HEATR5B: variants seen among roughly 807,000 people sequenced by gnomAD.
The protein encoded by HEATR5B is HEAT repeat containing 5B.
In HEATR5B, 156 loss-of-function variants were observed where a neutral mutation model predicts 224.1. The ratio of observed to expected loss-of-function variants is 0.70; its 90% CI spans 0.61 to 0.80. The LOEUF (loss-of-function observed/expected upper bound fraction) is 0.80, where lower values mean the gene tolerates loss of function less well. Ranked by LOEUF, HEATR5B falls within the 30% of genes least tolerant of loss-of-function variation. The pLI is 0.00. For synonymous variants in HEATR5B, 1,027 were observed against 893.0 expected (o/e 1.15, Z -2.68); for missense variants, 2,323 against 2,535.5 (o/e 0.92, Z 1.80).
chr2:37,064,962 C>G lies in HEATR5B; in HGVS notation c.1362G>C (p.Leu454=), dbSNP rs1465885455. 8 of 1,614,044 alleles carry G rather than the reference C, an allele frequency of 5.0e-6. No individual in the cohort carries two copies. Among genetic ancestry groups the G allele is most frequent in the Non-Finnish European group, 6.8e-6 (8 of 1,179,972 alleles). The stretch of plus-strand genomic sequence containing the variant: ...GTCGGGCAGCCATGCTTGGATGAAG[C>G]AGCACTGAAGTCACAATCTCCAAAA... The part of the protein sequence containing the change: ...IGLLEIVTSV[L]LHPSMAARLA... The change falls in exon 10 of 36, where the codon CTG becomes CTC. Residue 454 remains leucine, a synonymous_variant. Transcript: ENST00000233099.
intron 26 of HEATR5B, among the ~76,000 whole-genome samples, chr2:37,018,122 G>T (rs1668236975): frequency 6.6e-6 from 1 of 151,594 alleles, no homozygotes; most frequent in African/African-American, 2.4e-5. Flanking sequence ...CAGGAAACCA[G>T]GTTTCCTCCC....
In HEATR5B at chr2:37,007,104, C is replaced by T. The variant is rs368900081; in HGVS notation, c.4723G>A (p.Gly1575Ser). 5 of 1,613,878 alleles carry T rather than the reference C, an allele frequency of 3.1e-6. No homozygotes were observed. The highest frequency in any genetic ancestry group is 4.2e-6 in the Non-Finnish European group (5 of 1,179,962). Residue 1575 changes from glycine (G) to serine (S), a missense_variant, in exon 29 of 36, where the codon GGT (glycine) becomes AGT (serine). Transcript: ENST00000233099. ...VNLNQASGAV[G>S]SAKSLPEINK... ...ATTTCTGGCAAAGATTTAGCACTACCCACTGCTCCTGATGCCTGGTTTAAA... is the reference window on the plus strand; with the variant it reads ...ATTTCTGGCAAAGATTTAGCACTACTCACTGCTCCTGATGCCTGGTTTAAA...
intron 2 of HEATR5B, among the ~76,000 whole-genome samples, chr2:37,080,012 T>C (rs1309738051): frequency 3.9e-5 from 6 of 152,012 alleles, no homozygotes; most frequent in Non-Finnish European, 8.8e-5. Context: ...AAGGCCTCTC[T>C]CTGAAAAGAA....
At chr2:37,022,722 TG>T (rs1484381761) in intron 24 of HEATR5B, among the ~76,000 whole-genome samples, 3 of 152,182 alleles carry the variant, frequency 2.0e-5, no homozygotes, top group Non-Finnish European at 2.9e-5. Context: ...AAAAGGGAAA[TG>T]TTTTTCCTTT....
intron 30 of HEATR5B, among the ~76,000 whole-genome samples, chr2:37,005,132 G>A (rs949038491): frequency 1.3e-5 from 2 of 152,152 alleles, no homozygotes; most frequent in Non-Finnish European, 2.9e-5. Context: ...ACAACCTCAT[G>A]TTCCATTCAT....
At chr2:37,057,572 G>A in intron 14 of HEATR5B, 92 bp from the exon 15 acceptor site, 5 of 767,638 alleles carry the variant, frequency 6.5e-6, no homozygotes, top group South Asian at 4.3e-5. Context: ...TGTTCAACAG[G>A]AATAAAATAA....
Position 37,058,456 on chromosome 2 carries a change from T to A in HEATR5B, c.2054A>T (p.Tyr685Phe), listed in dbSNP as rs1439243504. Residue 685 changes from tyrosine (Y) to phenylalanine (F), a missense_variant, in exon 14 of 36, where the codon TAT becomes TTT. This residue lies in a region of HEATR5B where 502 missense variants were observed against 517.8 expected (regional missense o/e 0.97). Coordinates refer to ENST00000233099, the MANE Select transcript of HEATR5B (RefSeq NM_019024.3). ...DILALLPPKT[Y>F]EGSFNALLRE... is the part of the protein sequence containing the mutation. ...ACCACAAATTTTTAATTTACCTTCA[T>A]AAGTTTTTGGAGGTAACAAAGCCAA... 1 of 1,590,534 alleles carries A rather than the reference T, an allele frequency of 6.3e-7. No individual in the cohort carries two copies. The highest frequency in any genetic ancestry group is 8.6e-7 in the Non-Finnish European group (1 of 1,159,298).
chr2:37,002,701 T>A, intron 31 of HEATR5B, 129 bp from the exon 32 acceptor site: 1 of 892,012 alleles, frequency 1.1e-6, no homozygotes, highest in Non-Finnish European at 1.7e-6. Flanking sequence ...CGTCCTTCTC[T>A]GTATAATTCT....
intron 26 of HEATR5B, among the ~76,000 whole-genome samples, chr2:37,018,536 C>T (rs986244197): frequency 6.6e-6 from 1 of 152,208 alleles, no homozygotes; most frequent in Non-Finnish European, 1.5e-5. Context: ...GCCATTAAGG[C>T]AGCAGGCTTC....
At chr2:37,006,847 G>C (rs559703562) in intron 29 of HEATR5B, among the ~76,000 whole-genome samples, 1 of 152,268 alleles carries the variant, frequency 6.6e-6, no homozygotes, top group East Asian at 1.9e-4. Flanking sequence ...GAGCATGACA[G>C]TTAAGTAGTT....
chr2:37,026,759 A>G (rs746715507), intron 24 of HEATR5B, among the ~76,000 whole-genome samples: 16 of 152,162 alleles, frequency 1.1e-4, no homozygotes, highest in Non-Finnish European at 2.1e-4. Flanking sequence ...CTGATTACCT[A>G]TATTCAGAGT....
At chr2:37,013,241 G>A (rs1052019756) in intron 27 of HEATR5B, among the ~76,000 whole-genome samples, 1 of 152,174 alleles carries the variant, frequency 6.6e-6, no homozygotes, top group Non-Finnish European at 1.5e-5. Context: ...AGCTGGTAGA[G>A]GAAGGAATTA....
intron 21 of HEATR5B, among the ~76,000 whole-genome samples, chr2:37,034,196 T>C (rs904858163): frequency 4.6e-5 from 7 of 151,254 alleles, no homozygotes; most frequent in South Asian, 2.1e-4. Context: ...TTAGTAGAGA[T>C]GGGGTTTCAC....
chr2:37,034,207 C>T lies in HEATR5B; in HGVS notation c.3217-1434G>A, dbSNP rs371441391. Among the ~76,000 whole-genome samples, 16 of 151,138 alleles carry T rather than the reference C, an allele frequency of 1.1e-4. No homozygotes were observed. In the East Asian group the frequency reaches 1.4e-3, roughly 13 times the overall value. On this transcript the variant is annotated intron_variant, in intron 21 of 35. Transcript: ENST00000233099. The stretch of plus-strand genomic sequence containing the variant: ...ATTTTTAGTAGAGATGGGGTTTCAC[C>T]GTGTTAGTCAGGATGGTCTCCATCT...
intron 21 of HEATR5B, among the ~76,000 whole-genome samples, chr2:37,035,354 T>C (rs575642456): frequency 1.3e-5 from 2 of 152,190 alleles, no homozygotes; most frequent in South Asian, 4.1e-4. Flanking sequence ...AGTGGTACCA[T>C]GTGCCACAGT....
intron 5 of HEATR5B, among the ~76,000 whole-genome samples, chr2:37,074,165 CA>C (rs1558379507): frequency 1.3e-5 from 2 of 151,156 alleles, no homozygotes; most frequent in Non-Finnish European, 1.5e-5. Context: ...ACTAAAAATA[CA>C]AAAAAAATTA....
intron 16 of HEATR5B, chr2:37,055,132 G>T: frequency 2.6e-6 from 1 of 391,546 alleles, no homozygotes; most frequent in South Asian, 2.0e-5. Flanking sequence ...ACAGCCTGCT[G>T]GTTGAAAACC....
chr2:37,005,564 T>C, intron 30 of HEATR5B, 68 bp downstream of exon 30: 10 of 1,453,738 alleles, frequency 6.9e-6, no homozygotes, highest in Non-Finnish European at 9.5e-6. Context: ...AAATCCATCC[T>C]TTTTTCCATT....
At chr2:37,080,670 T>C (rs1387161141) in intron 2 of HEATR5B, among the ~76,000 whole-genome samples, 1 of 151,976 alleles carries the variant, frequency 6.6e-6, no homozygotes, top group Non-Finnish European at 1.5e-5. Context: ...AGATGCCACT[T>C]AGATAAGAAA....
Sources: gnomAD v4.1 joint callset for allele counts (sites outside exome capture counted in the v4.1 genomes callset) on GRCh38, gnomAD v4.1.1 for gene constraint, gnomAD v4.1.1 regional missense constraint, MANE v1.5 for transcripts, NCBI Gene and HGNC (gene_info 2026-07-23, HGNC 2026-07-21) for gene names.